Variants in PAX5 observed in about 807,000 individuals in gnomAD.
The protein encoded by PAX5 is paired box 5, also known as paired box protein Pax-5.
A neutral mutation model predicts 43.7 loss-of-function variants in PAX5; 9 were observed. The observed-to-expected ratio is 0.21, with a 90% CI of 0.12 to 0.36. PAX5 has a LOEUF of 0.36. Among genes scored for constraint, PAX5 ranks in the 10% least tolerant of loss-of-function variants. The pLI is 1.00. For synonymous variants in PAX5, 228 were observed against 214.3 expected, an observed-to-expected ratio of 1.06 and a Z score of -0.56; for missense variants, 383 against 532.7, an observed-to-expected ratio of 0.72 and a Z score of 2.77.
At chr9:37,017,538 G>A (rs559932534) in intron 2 of PAX5, among the ~76,000 whole-genome samples, 22 of 152,334 alleles carry the variant, frequency 1.4e-4, no homozygotes, top group African/African-American at 5.1e-4. Context: ...GATAGTCACC[G>A]AGTGTCTGTT....
intron 7 of PAX5, among the ~76,000 whole-genome samples, chr9:36,887,213 A>G (rs1826977010): frequency 6.6e-6 from 1 of 152,196 alleles, no homozygotes; most frequent in African/African-American, 2.4e-5. Flanking sequence ...CATTCTATGA[A>G]GTCTTTATAA....
Position 36,997,887 on chromosome 9 carries a change from A to T in PAX5, c.604+4761T>A, listed in dbSNP as rs567786112. ...GGTCAGGCAGCAGAAGGGAAAGACA[A>T]GTGGGTAGATGCACTTGCAGACACA... On this transcript the variant is annotated intron_variant, in intron 5 of 9. Coordinates refer to ENST00000358127, the MANE Select transcript of PAX5 (RefSeq NM_016734.3). Among the ~76,000 whole-genome samples, 8 of 152,364 alleles carry T rather than the reference A, an allele frequency of 5.3e-5. No homozygotes were observed. The South Asian group carries it at 1.7e-3, about 32-fold the overall frequency.
At chr9:36,930,216 CTTTT>C (rs144710055) in intron 6 of PAX5, among the ~76,000 whole-genome samples, 41 of 85,536 alleles carry the variant, frequency 4.8e-4, no homozygotes, top group East Asian at 2.0e-3. Context: ...GATGGATGTC[CTTTT>C]TTTTTTTTTT....
At chr9:36,949,957 C>T (rs188765507) in intron 6 of PAX5, among the ~76,000 whole-genome samples, 129 of 152,330 alleles carry the variant, frequency 8.5e-4, no homozygotes, top group Non-Finnish European at 1.5e-3. Context: ...CCTCCCTAAG[C>T]GACACCTCTT....
At chr9:36,910,156 A>C (rs1829149673) in intron 7 of PAX5, among the ~76,000 whole-genome samples, 1 of 152,188 alleles carries the variant, frequency 6.6e-6, no homozygotes, top group Non-Finnish European at 1.5e-5. Context: ...AAAAAATCAA[A>C]ATGTAAACAC....
At position 36,906,261 on chromosome 9, in the gene PAX5, T is replaced by C. The variant is rs958782286; in HGVS notation, c.910+17094A>G. ...TGTGATTAAATTGAGGTATTTGCGA[T>C]GTGGAGAGCGTGTGGATCACCCAGG... On this transcript the variant is annotated intron_variant, in intron 7 of 9. Coordinates refer to ENST00000358127, the MANE Select transcript of PAX5 (RefSeq NM_016734.3). Among the ~76,000 whole-genome samples the C allele has an allele frequency of 1.3e-5, 2 of 152,330 alleles. 1 individual carries two copies. The highest frequency in any genetic ancestry group is 4.1e-4 in the South Asian group (2 of 4,830).
intron 6 of PAX5, among the ~76,000 whole-genome samples, chr9:36,939,461 C>G (rs960821672): frequency 2.0e-5 from 3 of 152,194 alleles, no homozygotes; most frequent in Non-Finnish European, 4.4e-5. Context: ...GTGCTCAAGG[C>G]TGTCTCTTTC....
At chr9:36,914,690 T>C (rs1450357433) in intron 7 of PAX5, among the ~76,000 whole-genome samples, 1 of 152,172 alleles carries the variant, frequency 6.6e-6, no homozygotes, top group East Asian at 1.9e-4. Context: ...ATATATGCTA[T>C]CCCAAGGGGA....
chr9:36,930,971 A>G (rs1208760522), intron 6 of PAX5: 28 of 638,100 alleles, frequency 4.4e-5, no homozygotes, highest in Non-Finnish European at 6.7e-5. Context: ...GAGAAAAGAA[A>G]CACAGACACG....
chr9:36,911,320 A>G (rs1829265357), intron 7 of PAX5, among the ~76,000 whole-genome samples: 1 of 147,832 alleles, frequency 6.8e-6, no homozygotes, highest in African/African-American at 2.5e-5. Flanking sequence ...TCCAATGCAC[A>G]AAACAACTTT....
intron 8 of PAX5, among the ~76,000 whole-genome samples, chr9:36,871,933 T>C (rs1825530038): frequency 6.6e-6 from 1 of 152,196 alleles, no homozygotes; most frequent in Admixed American, 6.5e-5. Flanking sequence ...TTGTGAGAAA[T>C]AAGAATGTTT....
chr9:37,020,108 T>C (rs1839729558), intron 2 of PAX5, among the ~76,000 whole-genome samples: 1 of 151,440 alleles, frequency 6.6e-6, no homozygotes, highest in African/African-American at 2.4e-5. Flanking sequence ...GTTTTTTTTT[T>C]TTCCTCTTCT....
intron 6 of PAX5, among the ~76,000 whole-genome samples, chr9:36,964,591 TC>T (rs1313013131): frequency 8.8e-5 from 11 of 124,802 alleles, no homozygotes; most frequent in African/African-American, 1.5e-4. Flanking sequence ...AAACTCCAGC[TC>T]ACAAAAAAAA....
Position 36,885,269 on chromosome 9 carries a change from G to A in PAX5, c.911-3164C>T, listed in dbSNP as rs185783969. 2.1e-3 allele frequency among the ~76,000 whole-genome samples: 317 copies of A among 152,234 alleles called. 2 individuals carry two copies. The highest frequency in any genetic ancestry group is 7.0e-3 in the African/African-American group (289 of 41,520). On this transcript the variant is annotated intron_variant, in intron 7 of 9. Coordinates refer to ENST00000358127, the MANE Select transcript of PAX5 (RefSeq NM_016734.3). ...GATGACACTGTGTGGGGAGGTCTCG[G>A]GGAGGCTGCAGCTCACCAGAGAAAG...
chr9:37,011,215 C>A (rs1838905877), intron 3 of PAX5, among the ~76,000 whole-genome samples: 1 of 151,770 alleles, frequency 6.6e-6, no homozygotes, highest in Non-Finnish European at 1.5e-5. Context: ...GCAGAACTAA[C>A]AAAACATCTT....
At chr9:36,963,547 G>C (rs1834149253) in intron 6 of PAX5, among the ~76,000 whole-genome samples, 1 of 152,226 alleles carries the variant, frequency 6.6e-6, no homozygotes, top group African/African-American at 2.4e-5. Context: ...GAGCTGATGA[G>C]CACTTGGCAC....
intron 6 of PAX5, among the ~76,000 whole-genome samples, chr9:36,949,358 C>T (rs1374608603): frequency 6.6e-6 from 1 of 152,076 alleles, no homozygotes; most frequent in African/African-American, 2.4e-5. Flanking sequence ...CCGTGCCCGG[C>T]CAACACAAGT....
intron 4 of PAX5, among the ~76,000 whole-genome samples, chr9:37,004,345 A>G (rs1838203766): frequency 6.6e-6 from 1 of 152,156 alleles, no homozygotes; most frequent in Non-Finnish European, 1.5e-5. Flanking sequence ...GGGCTGTGGG[A>G]ATTCTTTTTT....
At chr9:36,879,060 T>C (rs1332035735) in intron 8 of PAX5, among the ~76,000 whole-genome samples, 1 of 152,132 alleles carries the variant, frequency 6.6e-6, no homozygotes, top group Non-Finnish European at 1.5e-5. Context: ...TCTGCCGAAG[T>C]GCTTGTTTCC....
Sources: allele counts gnomAD v4.1 joint callset (sites outside exome capture counted in the v4.1 genomes callset), GRCh38; gene constraint gnomAD v4.1.1; transcripts MANE v1.5; gene names NCBI Gene and HGNC (gene_info 2026-07-23, HGNC 2026-07-21).